RDH10: variants seen among roughly 807,000 people sequenced by gnomAD.
The protein encoded by RDH10 is retinol dehydrogenase 10 (all-trans).
A neutral mutation model predicts 30.2 loss-of-function variants in RDH10; 12 were observed. The observed-to-expected ratio is 0.40, with a 90% CI of 0.25 to 0.64. The LOEUF is 0.64. Among genes scored for constraint, RDH10 ranks in the 30% least tolerant of loss-of-function variants. The probability of loss-of-function intolerance (pLI) is 0.43; values close to 1 mark genes in which losing one functional copy is unlikely to be tolerated. For missense variants in RDH10, 268 were observed against 445.2 expected (o/e 0.60, Z 3.58); for synonymous variants, 189 against 172.2 (o/e 1.10, Z -0.76).
chr8:73,304,991 T>G (rs754998310), intron 2 of RDH10, among the ~76,000 whole-genome samples: 2 of 152,202 alleles, frequency 1.3e-5, no homozygotes, highest in Non-Finnish European at 2.9e-5. Context: ...TCTGCCTCAT[T>G]ATTTCTACAT....
rs140221995 is a variant in RDH10 at position 73,311,229 on chromosome 8, G to A, written c.526-7867G>A. Reference sequence around the variant, plus strand: ...ATGAGTTTAGTCAAGATCCAGAGAGGTCAAGTAACAAAAGGAAGGTCAAGT... The same window carrying A: ...ATGAGTTTAGTCAAGATCCAGAGAGATCAAGTAACAAAAGGAAGGTCAAGT... On this transcript the variant is annotated intron_variant, in intron 2 of 5. Transcript: ENST00000240285. 4.1e-3 allele frequency: 627 copies of A among 152,324 alleles called. 6 individuals are homozygous for A. Among genetic ancestry groups the A allele is most frequent in the African/African-American group, 0.015 (604 of 41,568 alleles). 9.4% of individuals were successfully genotyped at this position (152,324 alleles called of 1,614,324 possible).
Position 73,294,646 on chromosome 8 carries a change from G to T in RDH10, c.-644G>T, listed in dbSNP as rs1056659108. The T allele has an allele frequency of 1.5e-5, 5 of 340,872 alleles. No homozygotes were observed. The highest frequency in any genetic ancestry group is 2.6e-5 in the Non-Finnish European group (5 of 189,616). 21.1% of individuals were successfully genotyped at this position (340,872 alleles called of 1,614,324 possible). A position where few individuals can be genotyped will look rare whatever the true frequency, so the allele number is the denominator to read the frequency against. ...CTGACTTGCAAGCGGGCTGCGCTGCGGAGCCCAGTGCCCGAGTGACACCCG... is the reference window on the plus strand; with the variant it reads ...CTGACTTGCAAGCGGGCTGCGCTGCTGAGCCCAGTGCCCGAGTGACACCCG... On this transcript the variant is annotated 5_prime_UTR_variant, in exon 1 of 6. Coordinates refer to ENST00000240285, the MANE Select transcript of RDH10 (RefSeq NM_172037.5).
chr8:73,297,472 A>C, intron 2 of RDH10, 43 bp downstream of exon 2: 1 of 1,399,964 alleles, frequency 7.1e-7, no homozygotes. Flanking sequence ...GCCCTCCTTA[A>C]TGAGAAGGTT....
At chr8:73,301,734 T>C (rs1814381408) in intron 2 of RDH10, among the ~76,000 whole-genome samples, 1 of 152,118 alleles carries the variant, frequency 6.6e-6, no homozygotes, top group Non-Finnish European at 1.5e-5. Context: ...CCAGCCTGGG[T>C]GACAGAACAA....
chr8:73,311,677 A>G (rs1456714698), intron 2 of RDH10: 3 of 152,230 alleles, frequency 2.0e-5, no homozygotes, highest in Non-Finnish European at 4.4e-5. Flanking sequence ...AAATTTGACT[A>G]TTATGACATG....
Position 73,320,989 on chromosome 8 carries a change from C to T in RDH10, c.682C>T (p.Leu228=). Residue 228 remains leucine, a synonymous_variant, in exon 4 of 6, where the codon CTA becomes TTA. Transcript: ENST00000240285. Reference sequence around the variant, plus strand: ...TTTTCATGAATCCCTGAGCCATGAACTAAAGGCTGCTGAAAAGGATGGAAT... The same window carrying T: ...TTTTCATGAATCCCTGAGCCATGAATTAAAGGCTGCTGAAAAGGATGGAAT... ...VGFHESLSHE[L]KAAEKDGIKT... 6.2e-7 allele frequency: 1 copy of T among 1,613,994 alleles called. No homozygotes were observed.
intron 2 of RDH10, among the ~76,000 whole-genome samples, chr8:73,307,302 T>C (rs993757964): frequency 6.6e-6 from 1 of 152,146 alleles, no homozygotes; most frequent in African/African-American, 2.4e-5. Flanking sequence ...CGACTTCTTT[T>C]CTTAGGTCAG....
chr8:73,322,577 T>TC (rs763405562), intron 4 of RDH10, 102 bp from the exon 5 acceptor site: 45 of 985,836 alleles, frequency 4.6e-5, no homozygotes, highest in Admixed American at 1.4e-4. Context: ...GTACCCAAAA[T>TC]CCCATCACTC....
intron 2 of RDH10, among the ~76,000 whole-genome samples, chr8:73,310,238 C>G (rs1814540347): frequency 6.6e-6 from 1 of 152,030 alleles, no homozygotes; most frequent in South Asian, 2.1e-4. Context: ...CCTCATAGAC[C>G]CTCATATGTG....
At chr8:73,321,751 C>T in intron 4 of RDH10, 1 of 451,886 alleles carries the variant, frequency 2.2e-6, no homozygotes, top group Non-Finnish European at 4.5e-6. Flanking sequence ...TTTATCTTTG[C>T]TTGGGTGAGT....
chr8:73,319,378 T>G (rs1356633548), intron 3 of RDH10, among the ~76,000 whole-genome samples, 184 bp downstream of exon 3: 1 of 152,128 alleles, frequency 6.6e-6, no homozygotes. Flanking sequence ...TGGAATTCTA[T>G]GTCAGGTGTG....
At chr8:73,298,719 G>T (rs1814323113) in intron 2 of RDH10, among the ~76,000 whole-genome samples, 1 of 152,076 alleles carries the variant, frequency 6.6e-6, no homozygotes, top group South Asian at 2.1e-4. Context: ...GTAGAGATGG[G>T]GTTTCATGGT....
At chr8:73,304,828 C>T (rs1254196835) in intron 2 of RDH10, among the ~76,000 whole-genome samples, 3 of 152,206 alleles carry the variant, frequency 2.0e-5, no homozygotes, top group Non-Finnish European at 4.4e-5. Flanking sequence ...TTCATGTTCA[C>T]TTAATAATAT....
Position 73,294,780 on chromosome 8 carries a change from G to C in RDH10, c.-510G>C. ...CCCCTTCCCGGCGCTCCGCCGCCCC[G>C]CACCCCACTCTCCCACCCTCTCGCA... On this transcript the variant is annotated 5_prime_UTR_variant, in exon 1 of 6. Transcript: ENST00000240285. 2.8e-6 allele frequency: 1 copy of C among 361,148 alleles called. No homozygotes were observed. Among genetic ancestry groups the C allele is most frequent in the East Asian group, 4.0e-5 (1 of 25,104 alleles). 22.4% of individuals were successfully genotyped at this position (361,148 alleles called of 1,614,324 possible). A position where few individuals can be genotyped will look rare whatever the true frequency, so the allele number is the denominator to read the frequency against.
intron 2 of RDH10, chr8:73,315,691 C>T (rs924052231): frequency 1.2e-5 from 5 of 414,666 alleles, no homozygotes; most frequent in South Asian, 1.7e-5. Context: ...CAGAGCCAGC[C>T]GCTGGCTGGA....
chr8:73,300,843 A>C (rs1188068841), intron 2 of RDH10, among the ~76,000 whole-genome samples: 1 of 152,172 alleles, frequency 6.6e-6, no homozygotes, highest in Non-Finnish European at 1.5e-5. Context: ...TTAGAGTTGC[A>C]AGAATCCAGA....
chr8:73,311,607 C>T (rs1034898643), intron 2 of RDH10: 2 of 152,194 alleles, frequency 1.3e-5, no homozygotes, highest in Non-Finnish European at 2.9e-5. Flanking sequence ...AAATGTTGCA[C>T]TAATCCCTGC....
intron 2 of RDH10, among the ~76,000 whole-genome samples, chr8:73,306,104 T>G (rs1814459810): frequency 6.6e-6 from 1 of 152,206 alleles, no homozygotes; most frequent in South Asian, 2.1e-4. Flanking sequence ...CCATAATAGG[T>G]AGCCTTCAGA....
rs142207658 is a variant in RDH10, at chr8:73,320,877, G to T, written c.625-55G>T. The stretch of plus-strand genomic sequence containing the variant: ...ATAGGACCAGGGAAGCTTTAGTTTG[G>T]TTGGAGATAGGGGCATATGCTTAGT... On this transcript the variant is annotated intron_variant, in intron 3 of 5. Coordinates refer to ENST00000240285, the MANE Select transcript of RDH10 (RefSeq NM_172037.5). 144 of 1,581,516 alleles carry T rather than the reference G, an allele frequency of 9.1e-5. No individual in the cohort carries two copies. In the African/African-American group the frequency reaches 1.8e-3, roughly 20 times the overall value.
Sources: allele counts gnomAD v4.1 joint callset (sites outside exome capture counted in the v4.1 genomes callset), GRCh38; gene constraint gnomAD v4.1.1; transcripts MANE v1.5; gene names NCBI Gene and HGNC (gene_info 2026-07-23, HGNC 2026-07-21).